MTFMT: variants seen among roughly 807,000 people sequenced by gnomAD.
The protein encoded by MTFMT is mitochondrial methionyl-tRNA formyltransferase.
Under a neutral mutation model 51.8 loss-of-function variants are expected in MTFMT, and 47 were observed. The ratio of observed to expected loss-of-function variants is 0.91; its 90% CI spans 0.72 to 1.16. The LOEUF is 1.16. Among genes scored for constraint, MTFMT ranks in the 50% most tolerant of loss-of-function variants. The pLI is 0.00. For synonymous variants in MTFMT, 196 were observed against 176.7 expected, an observed-to-expected ratio of 1.11 and a Z score of -0.87; for missense variants, 512 against 482.3, an observed-to-expected ratio of 1.06 and a Z score of -0.58.
chr15:65,028,587 A>G (rs2086449329), intron 1 of MTFMT, among the ~76,000 whole-genome samples: 1 of 152,202 alleles, frequency 6.6e-6, no homozygotes, highest in Admixed American at 6.5e-5. Context: ...GAAGGATTCA[A>G]TACATGAGGG....
At chr15:65,027,473 A>T (rs1372343815) in intron 1 of MTFMT, among the ~76,000 whole-genome samples, 1 of 152,188 alleles carries the variant, frequency 6.6e-6, no homozygotes, top group Non-Finnish European at 1.5e-5. Context: ...TGCTGGGATT[A>T]CAGGCGTGAA....
At chr15:65,013,641 C>T (rs2086289059) in intron 6 of MTFMT, among the ~76,000 whole-genome samples, 1 of 152,118 alleles carries the variant, frequency 6.6e-6, no homozygotes, top group Non-Finnish European at 1.5e-5. Context: ...ACCTTGCATT[C>T]CTGGGATAAA....
chr15:65,018,098 C>A (rs1386812485), intron 5 of MTFMT, among the ~76,000 whole-genome samples: 1 of 151,366 alleles, frequency 6.6e-6, no homozygotes, highest in African/African-American at 2.4e-5. Flanking sequence ...ACTTTTGAAC[C>A]ATGTAAATAT....
intron 6 of MTFMT, among the ~76,000 whole-genome samples, chr15:65,013,284 C>CTTATTTT (rs754840838): frequency 8.8e-6 from 1 of 113,164 alleles, no homozygotes; most frequent in African/African-American, 2.7e-5. Flanking sequence ...TTTCTTTCTT[C>CTTATTTT]TTCTTTTTTT....
intron 6 of MTFMT, among the ~76,000 whole-genome samples, chr15:65,006,632 T>C (rs1230522341): frequency 6.6e-6 from 1 of 152,126 alleles, no homozygotes; most frequent in Non-Finnish European, 1.5e-5. Context: ...CGCCTTAGCC[T>C]CCCAAAGTGC....
At chr15:65,009,648 T>C (rs2086246619) in intron 6 of MTFMT, among the ~76,000 whole-genome samples, 1 of 151,026 alleles carries the variant, frequency 6.6e-6, no homozygotes, top group African/African-American at 2.4e-5. Flanking sequence ...AGCTTCTTTT[T>C]ATTTTTTTAA....
chr15:65,029,244 T>C (rs2086457215), intron 1 of MTFMT, 161 bp downstream of exon 1: 1 of 984,178 alleles, frequency 1.0e-6, no homozygotes, highest in Non-Finnish European at 1.2e-6. Flanking sequence ...CCGGCGGGAA[T>C]GGCGCACCTT....
At chr15:65,018,165 AT>A (rs1242698241) in intron 5 of MTFMT, among the ~76,000 whole-genome samples, 1 of 151,442 alleles carries the variant, frequency 6.6e-6, no homozygotes, top group Non-Finnish European at 1.5e-5. Flanking sequence ...AATCCCTAAA[AT>A]AAAAAAAAAA....
At chr15:65,026,235 T>A (rs1320404546) in intron 2 of MTFMT, 1 of 158,928 alleles carries the variant, frequency 6.3e-6, no homozygotes, top group Admixed American at 6.4e-5. Flanking sequence ...CTCTGTGGCC[T>A]CATAGCAAAT....
intron 6 of MTFMT, among the ~76,000 whole-genome samples, chr15:65,010,658 A>G (rs1377410346): frequency 6.6e-6 from 1 of 152,184 alleles, no homozygotes; most frequent in Non-Finnish European, 1.5e-5. Context: ...TAATGCTGCT[A>G]TGAAGATTCG....
intron 5 of MTFMT, among the ~76,000 whole-genome samples, chr15:65,018,426 T>C (rs894577129): frequency 6.6e-5 from 10 of 152,198 alleles, no homozygotes; most frequent in African/African-American, 2.2e-4. Context: ...TAAAAAAAGA[T>C]AGTGTGAGAA....
At chr15:65,029,283 G>A in intron 1 of MTFMT, 122 bp downstream of exon 1, 1 of 1,321,868 alleles carries the variant, frequency 7.6e-7, no homozygotes, top group Non-Finnish European at 9.6e-7. Context: ...CGAGATCTGG[G>A]CCCACACCGC....
intron 5 of MTFMT, among the ~76,000 whole-genome samples, chr15:65,018,664 C>A (rs1363469760): frequency 6.6e-6 from 1 of 152,096 alleles, no homozygotes; most frequent in Non-Finnish European, 1.5e-5. Context: ...GAGCCTGGGA[C>A]ATACTGTGGT....
chr15:65,026,456 T>C (rs2086425384), intron 2 of MTFMT: 2 of 261,372 alleles, frequency 7.7e-6, no homozygotes, highest in Non-Finnish European at 1.5e-5. Context: ...TTCTTGTCTA[T>C]ACCTGTGACT....
chr15:65,026,916 C>T lies in MTFMT; in HGVS notation c.334G>A (p.Asp112Asn). 1 of 1,614,012 alleles carries T rather than the reference C, an allele frequency of 6.2e-7. No homozygotes were observed. Among genetic ancestry groups the T allele is most frequent in the Non-Finnish European group, 8.5e-7 (1 of 1,179,890 alleles). The change falls in exon 2 of 9, where the codon GAT (aspartate) becomes AAT (asparagine). Residue 112 changes from aspartate to asparagine, a missense_variant. Asp to Asn is a conservative substitution (Grantham distance 23). Coordinates refer to ENST00000220058, the MANE Select transcript of MTFMT (RefSeq NM_139242.4). ...QSQLPVYEWPDVGSGEYDVGV... is the reference protein window; with the variant it reads ...QSQLPVYEWPNVGSGEYDVGV... ...ACATCATATTCTCCAGATCCCACAT[C>T]CGGCCACTCATATACGGGAAGCTGA...
intron 6 of MTFMT, 24 bp downstream of exon 6, chr15:65,016,412 C>G (rs374779545): frequency 1.3e-6 from 2 of 1,489,590 alleles, no homozygotes; most frequent in Non-Finnish European, 1.8e-6. Flanking sequence ...CTAGGTAGAA[C>G]TGCAACCTGA....
intron 6 of MTFMT, among the ~76,000 whole-genome samples, chr15:65,006,548 T>C (rs2086221236): frequency 6.6e-6 from 1 of 152,082 alleles, no homozygotes; most frequent in Admixed American, 6.5e-5. Flanking sequence ...GGCTAATTTT[T>C]TGTATTTTAA....
At chr15:65,011,179 G>A (rs1404966926) in intron 6 of MTFMT, among the ~76,000 whole-genome samples, 3 of 151,848 alleles carry the variant, frequency 2.0e-5, no homozygotes, top group African/African-American at 4.8e-5. Context: ...AAAATTAGCC[G>A]GGCGTGGTGG....
At chr15:65,028,325 A>T (rs1379543904) in intron 1 of MTFMT, among the ~76,000 whole-genome samples, 1 of 152,218 alleles carries the variant, frequency 6.6e-6, no homozygotes, top group South Asian at 2.1e-4. Context: ...CTGAGATGGG[A>T]TGATTGCTTG....
Sources: allele counts gnomAD v4.1 joint callset (sites outside exome capture counted in the v4.1 genomes callset), GRCh38; gene constraint gnomAD v4.1.1; transcripts MANE v1.5; gene names NCBI Gene and HGNC (gene_info 2026-07-23, HGNC 2026-07-21).